The following CFTR variants were observed in gnomAD, a reference collection of about 807,000 sequenced individuals.
The protein encoded by CFTR is CF transmembrane conductance regulator, also known as cystic fibrosis transmembrane conductance regulator.
In CFTR, 181 loss-of-function variants were observed where a neutral mutation model predicts 171.6. The observed-to-expected ratio is 1.05, with a 90% confidence interval of 0.93 to 1.19. The LOEUF is 1.19. Among genes scored for constraint, CFTR ranks in the 50% most tolerant of loss-of-function variants. The pLI, the probability that CFTR is intolerant of heterozygous loss-of-function variation, is 0.00. For missense variants in CFTR, 1,968 were observed against 1,734.7 expected, an observed-to-expected ratio of 1.13 and a Z score of -2.39; for synonymous variants, 583 against 608.0, an observed-to-expected ratio of 0.96 and a Z score of 0.60.
At chr7:117,518,126 A>C (rs962503409) in intron 3 of CFTR, among the ~76,000 whole-genome samples, 3 of 151,876 alleles carry the variant, frequency 2.0e-5, no homozygotes, top group African/African-American at 7.2e-5. Context: ...CTCTCTATAT[A>C]TGGAACTCTA....
chr7:117,611,878 C>A, intron 20 of CFTR, 70 bp downstream of exon 20: 1 of 1,016,590 alleles, frequency 9.8e-7, no homozygotes, highest in Non-Finnish European at 1.5e-6. Flanking sequence ...ATGCTGCATT[C>A]TATAGGTTAT....
intron 7 of CFTR, 66 bp downstream of exon 7, chr7:117,536,739 A>G: frequency 7.5e-7 from 1 of 1,332,482 alleles, no homozygotes; most frequent in South Asian, 1.2e-5. Context: ...AAATATGTTT[A>G]TCATGGTAGA....
At chr7:117,493,587 T>C (rs1798194514) in intron 1 of CFTR, among the ~76,000 whole-genome samples, 1 of 151,994 alleles carries the variant, frequency 6.6e-6, no homozygotes, top group African/African-American at 2.4e-5. Context: ...CCAGTGATAA[T>C]AAAGCTTGAA....
chr7:117,535,984 G>A (rs866734947), intron 6 of CFTR, among the ~76,000 whole-genome samples: 1 of 152,152 alleles, frequency 6.6e-6, no homozygotes, highest in Non-Finnish European at 1.5e-5. Flanking sequence ...AAACATTTAT[G>A]TGAATTAAAG....
intron 3 of CFTR, among the ~76,000 whole-genome samples, chr7:117,522,301 A>G (rs1798697063): frequency 6.6e-6 from 1 of 152,218 alleles, no homozygotes. Flanking sequence ...CTCAGATCAT[A>G]TAATCAGAGA....
intron 21 of CFTR, among the ~76,000 whole-genome samples, chr7:117,617,405 A>G (rs927213736): frequency 1.3e-5 from 2 of 151,970 alleles, no homozygotes; most frequent in East Asian, 1.9e-4. Context: ...TTATGATCAC[A>G]TATCTCAAAT....
intron 11 of CFTR, among the ~76,000 whole-genome samples, chr7:117,562,650 A>G (rs1791532965): frequency 6.6e-6 from 1 of 152,116 alleles, no homozygotes; most frequent in Admixed American, 6.6e-5. Context: ...TGGGTATGAA[A>G]TGACAACTTT....
chr7:117,541,354 A>G (rs777025414), intron 8 of CFTR, among the ~76,000 whole-genome samples: 36 of 152,340 alleles, frequency 2.4e-4, no homozygotes, highest in Non-Finnish European at 3.7e-4. Context: ...GGAGAAAATG[A>G]GAGAAACCAA....
At chr7:117,633,035 G>A (rs953877355) in intron 22 of CFTR, among the ~76,000 whole-genome samples, 1 of 152,108 alleles carries the variant, frequency 6.6e-6, no homozygotes, top group African/African-American at 2.4e-5. Flanking sequence ...GAATCAGTTT[G>A]CCAATGTATG....
In CFTR at chr7:117,592,789, G is replaced by A. The variant is rs1003940692; in HGVS notation, c.2490+132G>A. ...GTGTATCTTAAAACTCAGAAAGTAT[G>A]AAGTTCATTAATTATACAAGCAACG... On this transcript the variant is annotated intron_variant, in intron 14 of 26. Transcript: ENST00000003084. 56 of 708,674 alleles carry A rather than the reference G, an allele frequency of 7.9e-5. 1 individual carries two copies. The highest frequency in any genetic ancestry group is 1.4e-4 in the Admixed American group (4 of 29,134). The allele number at this position is 708,674 out of a possible 1,614,324, so 43.9% of individuals were successfully genotyped here.
intron 1 of CFTR, among the ~76,000 whole-genome samples, chr7:117,487,074 G>A (rs1326360016): frequency 6.6e-6 from 1 of 152,002 alleles, no homozygotes; most frequent in African/African-American, 2.4e-5. Context: ...AAATTTAATC[G>A]GAGAAGAAGG....
intron 20 of CFTR, among the ~76,000 whole-genome samples, chr7:117,613,412 T>C (rs915540686): frequency 6.6e-6 from 1 of 152,178 alleles, no homozygotes; most frequent in Non-Finnish European, 1.5e-5. Flanking sequence ...TCTTCAGCTG[T>C]GTTAACTTGC....
In CFTR at chr7:117,603,599, A is replaced by G. The variant is rs1792257718; in HGVS notation, c.2725A>G (p.Ser909Gly). The change falls in exon 17 of 27, where the codon AGC becomes GGC. Residue 909 changes from serine to glycine, a missense_variant. By Grantham distance (56) the Ser-to-Gly change is moderately conservative (BLOSUM62 0). Transcript: ENST00000003084. ...TAACAGCTATGCAGTGATTATCACC[A>G]GCACCAGTTCGTATTATGTGTTTTA... The part of the protein sequence containing the change: ...RNNSYAVIIT[S>G]TSSYYVFYIY... The G allele has an allele frequency of 1.9e-6, 3 of 1,614,066 alleles. No individual in the cohort carries two copies. Among genetic ancestry groups the G allele is most frequent in the Non-Finnish European group, 1.7e-6 (2 of 1,179,928 alleles).
intron 21 of CFTR, among the ~76,000 whole-genome samples, chr7:117,620,969 T>C (rs993495706): frequency 3.9e-5 from 6 of 152,044 alleles, no homozygotes; most frequent in African/African-American, 1.4e-4. Context: ...TAGCCAGGCA[T>C]GATGGCACAT....
At chr7:117,617,853 C>T (rs934047651) in intron 21 of CFTR, among the ~76,000 whole-genome samples, 5 of 152,072 alleles carry the variant, frequency 3.3e-5, no homozygotes, top group African/African-American at 1.2e-4. Context: ...CCATCTTTTC[C>T]TCAATCTACT....
At chr7:117,548,471 T>C (rs1047680389) in intron 9 of CFTR, among the ~76,000 whole-genome samples, 170 bp from the exon 10 acceptor site, 1 of 151,990 alleles carries the variant, frequency 6.6e-6, no homozygotes, top group Non-Finnish European at 1.5e-5. Flanking sequence ...CTAGAAACCG[T>C]ATGCTATATA....
In CFTR at chr7:117,602,811, C is replaced by T. The variant is rs139379077; in HGVS notation, c.2620-15C>T. On this transcript the variant is annotated splice_polypyrimidine_tract_variant and intron_variant, in intron 15 of 26. Transcript: ENST00000003084. The stretch of plus-strand genomic sequence containing the variant: ...ATGTTAGAAAAAAAATCAACTGTGT[C>T]TTGTTCCATTCCAGGTGGCTGCTTC... The T allele has an allele frequency of 1.2e-6, 2 of 1,613,234 alleles. No individual in the cohort carries two copies. Among genetic ancestry groups the T allele is most frequent in the Non-Finnish European group, 1.7e-6 (2 of 1,179,190 alleles).
At chr7:117,500,946 A>G (rs1322353301) in intron 1 of CFTR, among the ~76,000 whole-genome samples, 1 of 152,222 alleles carries the variant, frequency 6.6e-6, no homozygotes, top group African/African-American at 2.4e-5. Context: ...GCTTTTTATA[A>G]AAGCAGCTCA....
At chr7:117,554,008 C>A (rs1280509195) in intron 10 of CFTR, among the ~76,000 whole-genome samples, 3 of 152,118 alleles carry the variant, frequency 2.0e-5, no homozygotes, top group Non-Finnish European at 4.4e-5. Context: ...GGGTAGAATA[C>A]TGTCAGAGAA....
Sources: allele counts gnomAD v4.1 joint callset (sites outside exome capture counted in the v4.1 genomes callset), GRCh38; gene constraint gnomAD v4.1.1; transcripts MANE v1.5; gene names NCBI Gene and HGNC (gene_info 2026-07-23, HGNC 2026-07-21).